ADGRB3: variants seen among roughly 807,000 people sequenced by gnomAD.
The protein encoded by ADGRB3 is brain-specific angiogenesis inhibitor 3.
Under a neutral mutation model 193.4 loss-of-function variants are expected in ADGRB3, and 37 were observed. That is an observed-to-expected ratio of 0.19 (90% CI 0.15 to 0.25). ADGRB3 has a LOEUF of 0.25. Ranked by LOEUF, ADGRB3 falls within the 10% of genes least tolerant of loss-of-function variation. ADGRB3 has a pLI of 1.00. For missense variants in ADGRB3, 1,637 were observed against 1,852.9 expected (o/e 0.88, Z 2.14); for synonymous variants, 690 against 644.2 (o/e 1.07, Z -1.08).
chr6:69,115,654 A>G (rs1773511033), intron 17 of ADGRB3, among the ~76,000 whole-genome samples: 1 of 152,222 alleles, frequency 6.6e-6, no homozygotes, highest in Non-Finnish European at 1.5e-5. Flanking sequence ...AATGTTTGTT[A>G]AATTAAAATG....
At chr6:68,762,681 G>C (rs1766434707) in intron 3 of ADGRB3, among the ~76,000 whole-genome samples, 1 of 151,960 alleles carries the variant, frequency 6.6e-6, no homozygotes. Context: ...CAAGTAGCAA[G>C]GTCCTCATAA....
In ADGRB3 at chr6:68,803,622, T is replaced by C. The variant is rs570668296; in HGVS notation, c.758-126937T>C. Among the ~76,000 whole-genome samples the C allele has an allele frequency of 4.6e-5, 7 of 152,326 alleles. No individual in the cohort carries two copies. In the South Asian group the frequency reaches 1.4e-3, roughly 32 times the overall value. ...CTCTTCTTTTTCACTATCCTCTTCTTGTCAGCCTACAATATACTTGGTTTT... is the reference window on the plus strand; with the variant it reads ...CTCTTCTTTTTCACTATCCTCTTCTCGTCAGCCTACAATATACTTGGTTTT... On this transcript the variant is annotated intron_variant, in intron 3 of 31. Transcript: ENST00000370598.
chr6:69,061,711 C>T (rs1196426988), intron 15 of ADGRB3, among the ~76,000 whole-genome samples: 1 of 52,198 alleles, frequency 1.9e-5, no homozygotes, highest in Non-Finnish European at 5.3e-5. Flanking sequence ...CAATATTACT[C>T]AACTGTAAAA....
chr6:69,342,808 T>C (rs951919414), intron 26 of ADGRB3, among the ~76,000 whole-genome samples: 4 of 152,190 alleles, frequency 2.6e-5, no homozygotes, highest in African/African-American at 9.6e-5. Flanking sequence ...TCTCTACTGC[T>C]CTTCACTTTA....
chr6:68,786,733 A>T (rs1423426754), intron 3 of ADGRB3, among the ~76,000 whole-genome samples: 1 of 151,106 alleles, frequency 6.6e-6, no homozygotes, highest in African/African-American at 2.4e-5. Flanking sequence ...GAATCTATAA[A>T]TTACCTTGGG....
chr6:69,242,625 A>C lies in ADGRB3; in HGVS notation c.2814+3399A>C, dbSNP rs376761691. ...ATTGAAATGTAAACAAGCTGAAATA[A>C]TCCATTGCATAAAATAAATGTATTC... On this transcript the variant is annotated intron_variant, in intron 20 of 31. Transcript: ENST00000370598. 3.9e-5 allele frequency among the ~76,000 whole-genome samples: 6 copies of C among 152,106 alleles called. No individual in the cohort carries two copies. In the South Asian group the frequency reaches 1.2e-3, roughly 32 times the overall value.
intron 3 of ADGRB3, among the ~76,000 whole-genome samples, chr6:68,790,476 G>C (rs530471182): frequency 6.6e-6 from 1 of 152,232 alleles, no homozygotes; most frequent in South Asian, 2.1e-4. Context: ...ATCTGAGAAC[G>C]GGCAGACTGC....
chr6:68,772,946 A>C (rs771725728), intron 3 of ADGRB3, among the ~76,000 whole-genome samples: 12,258 of 61,952 alleles, frequency 0.2, 1,735 homozygotes, highest in Middle Eastern at 0.37. Context: ...TACACACACA[A>C]AAATAAAAAA....
chr6:69,369,871 T>TC (rs1297052529), intron 29 of ADGRB3, among the ~76,000 whole-genome samples: 1 of 152,120 alleles, frequency 6.6e-6, no homozygotes, highest in South Asian at 2.1e-4. Context: ...AGGTTTTTTT[T>TC]CTCCTTCAAA....
rs926435384 is a variant in ADGRB3 at position 69,331,698 on chromosome 6, C to T, written c.3102+1126C>T. The T allele has an allele frequency of 4.1e-6, 4 of 985,180 alleles. No individual in the cohort carries two copies. In the African/African-American group the frequency reaches 7.0e-5, roughly 17 times the overall value. The allele number at this position is 985,180 out of a possible 1,614,324, so 61.0% of individuals were successfully genotyped here. ...TTTTATTTAATCAACTGAACTATTT[C>T]CCTAAGCTTCTAGGTTAATGCCAAT... On this transcript the variant is annotated intron_variant, in intron 23 of 31. Transcript: ENST00000370598.
chr6:68,791,580 T>G, intron 3 of ADGRB3, among the ~76,000 whole-genome samples: 1 of 152,144 alleles, frequency 6.6e-6, no homozygotes, highest in East Asian at 1.9e-4. Context: ...AAACTAGAAC[T>G]TCACTTCTAA....
intron 17 of ADGRB3, among the ~76,000 whole-genome samples, chr6:69,094,732 A>T (rs1431121742): frequency 6.6e-6 from 1 of 152,214 alleles, no homozygotes; most frequent in East Asian, 1.9e-4. Flanking sequence ...ATTTATATAA[A>T]ATAAAAAAAT....
intron 31 of ADGRB3, among the ~76,000 whole-genome samples, chr6:69,383,197 A>T (rs1303961390): frequency 6.6e-6 from 1 of 152,018 alleles, no homozygotes; most frequent in Non-Finnish European, 1.5e-5. Context: ...TATTGGCTTC[A>T]TCTGATCATT....
chr6:68,677,521 CTTTTTT>C (rs1002070733), intron 3 of ADGRB3, among the ~76,000 whole-genome samples: 9 of 120,336 alleles, frequency 7.5e-5, no homozygotes, highest in South Asian at 2.7e-4. Flanking sequence ...TTCTTTTTTT[CTTTTTT>C]TTTTTTTTTT....
intron 31 of ADGRB3, among the ~76,000 whole-genome samples, chr6:69,386,884 A>G (rs1472429503): frequency 6.6e-6 from 1 of 152,116 alleles, no homozygotes; most frequent in Non-Finnish European, 1.5e-5. Flanking sequence ...TTCCTGGATG[A>G]TAGATATAAA....
chr6:69,111,857 T>G (rs2150325810), intron 17 of ADGRB3, among the ~76,000 whole-genome samples: 1 of 152,360 alleles, frequency 6.6e-6, no homozygotes, highest in Admixed American at 6.5e-5. Flanking sequence ...AGAGAAAATC[T>G]GAAAGAATTA....
At chr6:69,381,039 G>A (rs1324947009) in intron 30 of ADGRB3, among the ~76,000 whole-genome samples, 1 of 151,692 alleles carries the variant, frequency 6.6e-6, no homozygotes, top group Non-Finnish European at 1.5e-5. Flanking sequence ...TTTTTTAAGT[G>A]TTCCTTATGA....
chr6:69,288,032 T>TGA (rs1767588633), intron 20 of ADGRB3, among the ~76,000 whole-genome samples: 1 of 152,136 alleles, frequency 6.6e-6, no homozygotes, highest in Non-Finnish European at 1.5e-5. Flanking sequence ...AAAACTTGTT[T>TGA]CATTTTTTTT....
At chr6:68,652,849 A>G (rs961822396) in intron 3 of ADGRB3, among the ~76,000 whole-genome samples, 6 of 152,110 alleles carry the variant, frequency 3.9e-5, no homozygotes, top group African/African-American at 9.7e-5. Context: ...GAATATCCTT[A>G]ACCGAAGACA....
Sources: gnomAD v4.1 joint callset for allele counts (sites outside exome capture counted in the v4.1 genomes callset) on GRCh38, gnomAD v4.1.1 for gene constraint, MANE v1.5 for transcripts, NCBI Gene and HGNC (gene_info 2026-07-23, HGNC 2026-07-21) for gene names.